Variants in PLXNA4 observed in about 807,000 individuals in gnomAD.
The protein encoded by PLXNA4 is plexin-A4.
PLXNA4 carries 44 observed loss-of-function variants against 191.8 expected under a neutral mutation model. The observed-to-expected ratio is 0.23, with a 90% CI of 0.18 to 0.29. The LOEUF is 0.29. Ranked by LOEUF, PLXNA4 falls within the 10% of genes least tolerant of loss-of-function variation. The pLI is 1.00. For synonymous variants in PLXNA4, 1,082 were observed against 1,009.5 expected (o/e 1.07, Z -1.36); for missense variants, 1,800 against 2,488.8 (o/e 0.72, Z 5.89).
At chr7:132,299,647 G>T (rs1801232555) in intron 3 of PLXNA4, among the ~76,000 whole-genome samples, 1 of 152,164 alleles carries the variant, frequency 6.6e-6, no homozygotes, top group Admixed American at 6.5e-5. Flanking sequence ...AATCCTGTGG[G>T]TTTAATGTTC....
chr7:132,178,713 T>TACACACAC (rs56218462), intron 20 of PLXNA4, among the ~76,000 whole-genome samples: 7,412 of 112,088 alleles, frequency 0.066, 666 homozygotes, highest in African/African-American at 0.1. Context: ...CACATACACA[T>TACACACAC]ACACACACAC....
chr7:132,623,107 G>A (rs2116869290), intron 2 of PLXNA4, among the ~76,000 whole-genome samples: 1 of 152,318 alleles, frequency 6.6e-6, no homozygotes, highest in East Asian at 1.9e-4. Flanking sequence ...CACTTTGGGT[G>A]GCTGAGGCGG....
intron 3 of PLXNA4, among the ~76,000 whole-genome samples, chr7:132,475,878 A>G (rs917441445): frequency 8.5e-5 from 13 of 152,116 alleles, no homozygotes; most frequent in African/African-American, 2.9e-4. Context: ...AAATAGCTCT[A>G]CTCTGTCATC....
intron 3 of PLXNA4, among the ~76,000 whole-genome samples, chr7:132,408,594 G>T (rs1338207459): frequency 6.6e-6 from 1 of 152,090 alleles, no homozygotes; most frequent in Non-Finnish European, 1.5e-5. Context: ...CTCATGAGTA[G>T]CTGGGACTAC....
intron 7 of PLXNA4, among the ~76,000 whole-genome samples, chr7:132,226,554 T>C (rs1219591811): frequency 6.6e-6 from 1 of 152,222 alleles, no homozygotes; most frequent in African/African-American, 2.4e-5. Context: ...CTGCCCAGAC[T>C]CACAAAATTG....
chr7:132,462,098 T>TAAAGAAA (rs1406921042), intron 3 of PLXNA4, among the ~76,000 whole-genome samples: 21 of 152,118 alleles, frequency 1.4e-4, no homozygotes, highest in Admixed American at 3.3e-4. Flanking sequence ...GTAAAAATAA[T>TAAAGAAA]ACAGGTCTTA....
Position 132,187,555 on chromosome 7 carries a change from G to A in PLXNA4, c.2909C>T (p.Thr970Ile). The A allele has an allele frequency of 6.2e-7, 1 of 1,614,044 alleles. No homozygotes were observed. The highest frequency in any genetic ancestry group is 8.5e-7 in the Non-Finnish European group (1 of 1,179,940). Reference protein sequence around the residue: ...KPSRGPMSGGTQVTITGTNLN... With the variant: ...KPSRGPMSGGIQVTITGTNLN... ...GTTGGTGCCTGTGATGGTCACTTGG[G>A]TCCCTCCGGACATGGGCCCCCGGCT... is the stretch of plus-strand genomic sequence containing the variant. The change falls in exon 15 of 32, where the codon ACC becomes ATC. Residue 970 changes from threonine to isoleucine, a missense_variant. Around this residue, in one of 6 missense-constraint regions of PLXNA4, gnomAD observed 1,397 missense variants for 1,880.4 expected, o/e 0.74. Coordinates refer to ENST00000321063, the MANE Select transcript of PLXNA4 (RefSeq NM_020911.2).
chr7:132,628,962 G>A (rs1410605714), intron 2 of PLXNA4, among the ~76,000 whole-genome samples: 1 of 152,116 alleles, frequency 6.6e-6, no homozygotes, highest in Non-Finnish European at 1.5e-5. Flanking sequence ...GATGTCTTAT[G>A]TCCTTGGCTG....
chr7:132,597,762 A>G (rs932651358), intron 2 of PLXNA4, among the ~76,000 whole-genome samples: 4 of 152,162 alleles, frequency 2.6e-5, no homozygotes, highest in African/African-American at 9.7e-5. Flanking sequence ...ATTTACATAC[A>G]TATATAATGT....
intron 31 of PLXNA4, 137 bp from the exon 32 acceptor site, chr7:132,130,711 G>C: frequency 3.9e-6 from 5 of 1,295,014 alleles, no homozygotes; most frequent in Admixed American, 4.4e-5. Context: ...AGGACACTGC[G>C]GGGTAGGAGG....
chr7:132,143,559 T>A (rs148749192), intron 29 of PLXNA4, among the ~76,000 whole-genome samples: 2,969 of 152,282 alleles, frequency 0.019, 40 homozygotes, highest in Non-Finnish European at 0.031. Context: ...TTTTTAAAAA[T>A]TTCCTGAAGG....
chr7:132,150,296 T>C (rs1795558196), intron 25 of PLXNA4, among the ~76,000 whole-genome samples: 1 of 152,202 alleles, frequency 6.6e-6, no homozygotes, highest in African/African-American at 2.4e-5. Context: ...GTTTTGTTTT[T>C]TATTTTATGG....
In PLXNA4 at chr7:132,168,021, G is replaced by C. The variant is rs569947203; in HGVS notation, c.4286+283C>G. Among the ~76,000 whole-genome samples the C allele has an allele frequency of 7.2e-5, 11 of 152,328 alleles. No homozygotes were observed. In the South Asian group the frequency reaches 2.1e-3, roughly 29 times the overall value. On this transcript the variant is annotated intron_variant, in intron 22 of 31. Coordinates refer to ENST00000321063, the MANE Select transcript of PLXNA4 (RefSeq NM_020911.2). ...ATGAGAGGAGATTGCAGTAGACAGGGTCAAGATTAAGTAGAAGGGCAGAGA... is the reference window on the plus strand; with the variant it reads ...ATGAGAGGAGATTGCAGTAGACAGGCTCAAGATTAAGTAGAAGGGCAGAGA...
intron 2 of PLXNA4, among the ~76,000 whole-genome samples, chr7:132,609,860 C>T (rs1357484355): frequency 1.3e-5 from 2 of 152,186 alleles, no homozygotes; most frequent in African/African-American, 4.8e-5. Flanking sequence ...TCCTGTAGGG[C>T]CAACACTCCA....
chr7:132,486,475 TG>T (rs1797561692), intron 3 of PLXNA4, among the ~76,000 whole-genome samples: 1 of 152,202 alleles, frequency 6.6e-6, no homozygotes, highest in African/African-American at 2.4e-5. Context: ...ACTGTTCCCC[TG>T]GGCCAGCTGT....
chr7:132,644,418 C>A (rs777772702), intron 2 of PLXNA4, among the ~76,000 whole-genome samples: 33 of 152,194 alleles, frequency 2.2e-4, no homozygotes, highest in Non-Finnish European at 3.8e-4. Context: ...TAGACTTGGT[C>A]GTGGCCTGTG....
At chr7:132,249,016 C>T (rs1799154792) in intron 4 of PLXNA4, among the ~76,000 whole-genome samples, 1 of 152,212 alleles carries the variant, frequency 6.6e-6, no homozygotes, top group African/African-American at 2.4e-5. Flanking sequence ...CCTTGGCTAC[C>T]ACCACTGTCC....
At chr7:132,620,082 G>A (rs1164608571) in intron 2 of PLXNA4, among the ~76,000 whole-genome samples, 6 of 152,194 alleles carry the variant, frequency 3.9e-5, no homozygotes, top group East Asian at 1.9e-4. Context: ...GATTATAGGC[G>A]TGAGCCACCG....
At chr7:132,583,798 G>A (rs1442158416) in intron 2 of PLXNA4, among the ~76,000 whole-genome samples, 1 of 152,164 alleles carries the variant, frequency 6.6e-6, no homozygotes, top group South Asian at 2.1e-4. Context: ...CCTGCTGACT[G>A]TAACCTTCAC....
Sources: allele counts gnomAD v4.1 joint callset (sites outside exome capture counted in the v4.1 genomes callset), GRCh38; gene constraint gnomAD v4.1.1; regional missense constraint gnomAD v4.1.1; transcripts MANE v1.5; gene names NCBI Gene and HGNC (gene_info 2026-07-23, HGNC 2026-07-21).